CCKBR: variants seen among roughly 807,000 people sequenced by gnomAD.
CCKBR encodes the protein gastrin/cholecystokinin type B receptor.
In CCKBR, 33 loss-of-function variants were observed where a neutral mutation model predicts 34.6. That is an observed-to-expected ratio of 0.95 (90% CI 0.72 to 1.27). The LOEUF is 1.27. Among genes scored for constraint, CCKBR ranks in the 50% most tolerant of loss-of-function variants. CCKBR has a pLI of 0.00. For missense variants in CCKBR, 652 were observed against 617.4 expected (o/e 1.06, Z -0.59); for synonymous variants, 269 against 267.5 (o/e 1.01, Z -0.06).
rs1590669996 is a variant in CCKBR, at chr11:6,267,867, CAG to C, written c.152-1799_152-1798del. ...TTGTTATTTTGGGTTTTGTTTGAGA[CAG>C]AGTCTCACTCTGTTGTGCAGGCTGG... On this transcript the variant is annotated intron_variant, in intron 1 of 4. Transcript: ENST00000334619. Among the ~76,000 whole-genome samples, 3 of 152,298 alleles carry C rather than the reference CAG, an allele frequency of 2.0e-5. No homozygotes were observed. The East Asian group carries it at 5.8e-4, about 29-fold the overall frequency.
Position 6,260,088 on chromosome 11 carries a change from C to A in CCKBR, c.151+9C>A. ...CGGAGCCGGGACACGAGGTGGGTGC[C>A]TCCCTCAGCCCCCCCCACAAGCTAT... On this transcript the variant is annotated intron_variant, in intron 1 of 4. Coordinates refer to ENST00000334619, the MANE Select transcript of CCKBR (RefSeq NM_176875.4). 6.3e-7 allele frequency: 1 copy of A among 1,585,558 alleles called. No homozygotes were observed.
chr11:6,261,462 T>TAAATATACACAC (rs764173521), intron 1 of CCKBR, among the ~76,000 whole-genome samples: 1 of 64,016 alleles, frequency 1.6e-5, no homozygotes, highest in Non-Finnish European at 2.8e-5. Flanking sequence ...AAAATATATA[T>TAAATATACACAC]ACACACACAC....
Position 6,259,861 on chromosome 11 carries a change from G to A in CCKBR, c.-68G>A, listed in dbSNP as rs1848099403. 7.8e-7 allele frequency: 1 copy of A among 1,287,918 alleles called. No homozygotes were observed. 79.8% of individuals were successfully genotyped at this position (1,287,918 alleles called of 1,614,324 possible). A position where few individuals can be genotyped will look rare whatever the true frequency, so the allele number is the denominator to read the frequency against. On this transcript the variant is annotated 5_prime_UTR_variant, in exon 1 of 5. Coordinates refer to ENST00000334619, the MANE Select transcript of CCKBR (RefSeq NM_176875.4). Reference sequence around the variant, plus strand: ...GGAGCCTGAGCCGGAATCGCAGCGTGAGCAGGTGGAGCCGCGTTGGGAGCC... The same window carrying A: ...GGAGCCTGAGCCGGAATCGCAGCGTAAGCAGGTGGAGCCGCGTTGGGAGCC...
chr11:6,267,965 C>T (rs1344150969), intron 1 of CCKBR, among the ~76,000 whole-genome samples: 1 of 152,166 alleles, frequency 6.6e-6, no homozygotes, highest in Non-Finnish European at 1.5e-5. Flanking sequence ...CTGCCTCAAA[C>T]TCCTGAGTAG....
At chr11:6,264,589 C>G (rs1361601591) in intron 1 of CCKBR, 2 of 700,430 alleles carry the variant, frequency 2.9e-6, no homozygotes, top group Non-Finnish European at 5.2e-6. Flanking sequence ...TGAGATGATG[C>G]TCACGGGTAG....
Position 6,271,098 on chromosome 11 carries a change from C to G in CCKBR, c.899C>G (p.Ser300Cys), listed in dbSNP as rs1848300832. The G allele has an allele frequency of 2.5e-6, 4 of 1,614,144 alleles. No individual in the cohort carries two copies. Among genetic ancestry groups the G allele is most frequent in the Non-Finnish European group, 3.4e-6 (4 of 1,180,020 alleles). ...SDGCYVQLPR[S>C]RPALELTALT... ...GGCTGCTACGTGCAACTTCCACGTTCCCGGCCTGCCCTGGAGCTGACGGCG... is the reference window on the plus strand; with the variant it reads ...GGCTGCTACGTGCAACTTCCACGTTGCCGGCCTGCCCTGGAGCTGACGGCG... The change falls in exon 5 of 5, where the codon TCC (serine) becomes TGC (cysteine). Residue 300 changes from serine (S) to cysteine (C), a missense_variant. Physicochemically the swap from Ser to Cys is moderately radical, Grantham distance 112. Transcript: ENST00000334619.
intron 1 of CCKBR, among the ~76,000 whole-genome samples, chr11:6,263,573 T>C (rs1564885565): frequency 6.6e-6 from 1 of 150,472 alleles, no homozygotes; most frequent in Non-Finnish European, 1.5e-5. Flanking sequence ...CAGGCTCAAG[T>C]GATCCTCCCA....
intron 4 of CCKBR, 53 bp from the exon 5 acceptor site, chr11:6,270,958 T>C: frequency 6.2e-7 from 1 of 1,613,100 alleles, no homozygotes; most frequent in Non-Finnish European, 8.5e-7. Flanking sequence ...GGGACTGGGC[T>C]GGAGACTGGG....
At position 6,259,849 on chromosome 11, in the gene CCKBR, G is replaced by T; in HGVS notation, c.-80G>T. On this transcript the variant is annotated 5_prime_UTR_variant, in exon 1 of 5. Coordinates refer to ENST00000334619, the MANE Select transcript of CCKBR (RefSeq NM_176875.4). Reference sequence around the variant, plus strand: ...AGGAGGGCGGCGGGAGCCTGAGCCGGAATCGCAGCGTGAGCAGGTGGAGCC... The same window carrying T: ...AGGAGGGCGGCGGGAGCCTGAGCCGTAATCGCAGCGTGAGCAGGTGGAGCC... 2 of 1,219,952 alleles carry T rather than the reference G, an allele frequency of 1.6e-6. No individual in the cohort carries two copies. Among genetic ancestry groups the T allele is most frequent in the South Asian group, 3.7e-5 (2 of 54,312 alleles). The allele number at this position is 1,219,952 out of a possible 1,614,324, so 75.6% of individuals were successfully genotyped here. A position where few individuals can be genotyped will look rare whatever the true frequency, so the allele number is the denominator to read the frequency against.
At chr11:6,268,681 C>A (rs1848244376) in intron 1 of CCKBR, among the ~76,000 whole-genome samples, 1 of 152,102 alleles carries the variant, frequency 6.6e-6, no homozygotes, top group Non-Finnish European at 1.5e-5. Context: ...CAGTGCCTAG[C>A]ACAAAGGGAG....
At position 6,261,454 on chromosome 11, in the gene CCKBR, A is replaced by AAATATATATAT. The variant is rs1447691939; in HGVS notation, c.151+1376_151+1377insATATATATATA. Among the ~76,000 whole-genome samples the AAATATATATAT allele has an allele frequency of 3.1e-4, 19 of 60,882 alleles. 1 individual carries two copies. Among genetic ancestry groups the AAATATATATAT allele is most frequent in the South Asian group, 7.0e-4 (1 of 1,432 alleles). The allele number at this position is 60,882 out of a possible 152,430, so 39.9% of individuals were successfully genotyped here. On this transcript the variant is annotated intron_variant, in intron 1 of 4. Transcript: ENST00000334619. ...GTTGGCAAAAAAAAAAAAAAAAAAA[A>AAATATATATAT]ATATATATACACACACACACACACA...
rs878960000 is a variant in CCKBR, at chr11:6,269,858, C to G, written c.341C>G (p.Pro114Arg). The change falls in exon 2 of 5, where the codon CCC becomes CGC. Residue 114 changes from proline (P) to arginine (R), a missense_variant. Physicochemically the swap from Pro to Arg is moderately radical, Grantham distance 103. Coordinates refer to ENST00000334619, the MANE Select transcript of CCKBR (RefSeq NM_176875.4). ...AVACMPFTLL[P>R]NLMGTFIFGT... Reference sequence around the variant, plus strand: ...GCTTGCATGCCCTTCACCCTCCTGCCCAATCTCATGGGCACATTCATCTTT... The same window carrying G: ...GCTTGCATGCCCTTCACCCTCCTGCGCAATCTCATGGGCACATTCATCTTT... 6.2e-7 allele frequency: 1 copy of G among 1,614,124 alleles called. No individual in the cohort carries two copies. Among genetic ancestry groups the G allele is most frequent in the Non-Finnish European group, 8.5e-7 (1 of 1,180,010 alleles).
chr11:6,263,833 C>T (rs535074004), intron 1 of CCKBR, among the ~76,000 whole-genome samples: 3 of 152,300 alleles, frequency 2.0e-5, no homozygotes, highest in South Asian at 4.1e-4. Context: ...AAATACTACC[C>T]ATACATACTT....
intron 1 of CCKBR, among the ~76,000 whole-genome samples, chr11:6,263,163 G>A (rs1009741920): frequency 2.0e-5 from 3 of 152,208 alleles, no homozygotes; most frequent in Admixed American, 1.3e-4. Context: ...TATAATCCAT[G>A]CAGACTTGAG....
chr11:6,268,998 C>T (rs1411335867), intron 1 of CCKBR, among the ~76,000 whole-genome samples: 1 of 146,316 alleles, frequency 6.8e-6, no homozygotes, highest in Non-Finnish European at 1.5e-5. Flanking sequence ...GAGAGAGTCA[C>T]AAGTGCAAAT....
chr11:6,265,556 G>C (rs1378949790), intron 1 of CCKBR, among the ~76,000 whole-genome samples: 1 of 152,168 alleles, frequency 6.6e-6, no homozygotes, highest in Non-Finnish European at 1.5e-5. Context: ...GGTGGAGGCT[G>C]GGGGTGGGAG....
rs1358815992 is a variant in CCKBR, at chr11:6,271,104, C to T, written c.905C>T (p.Pro302Leu). The change falls in exon 5 of 5, where the codon CCT becomes CTT. Residue 302 changes from proline to leucine, a missense_variant. Physicochemically the swap from Pro to Leu is moderately conservative, Grantham distance 98. Coordinates refer to ENST00000334619, the MANE Select transcript of CCKBR (RefSeq NM_176875.4). ...GCYVQLPRSR[P>L]ALELTALTAP... ...TACGTGCAACTTCCACGTTCCCGGC[C>T]TGCCCTGGAGCTGACGGCGCTGACG... is the stretch of plus-strand genomic sequence containing the variant. 1 of 1,614,136 alleles carries T rather than the reference C, an allele frequency of 6.2e-7. No individual in the cohort carries two copies. The highest frequency in any genetic ancestry group is 8.5e-7 in the Non-Finnish European group (1 of 1,180,004).
chr11:6,270,861 G>A lies in CCKBR; in HGVS notation c.811+58G>A, dbSNP rs761899156. On this transcript the variant is annotated intron_variant, in intron 4 of 4. Transcript: ENST00000334619. ...GAGGCGGAGCTTTGGAGGGCGACGG[G>A]GCCTGCTGGAGTGGGTGGGACTGAA... 9.9e-6 allele frequency: 16 copies of A among 1,613,032 alleles called. No individual in the cohort carries two copies. In the South Asian group the frequency reaches 1.6e-4, roughly 17 times the overall value.
intron 1 of CCKBR, among the ~76,000 whole-genome samples, chr11:6,261,858 A>G (rs1848138772): frequency 6.6e-6 from 1 of 152,214 alleles, no homozygotes. Flanking sequence ...AGGTTACTAT[A>G]TTACACTGTT....
Sources: allele counts gnomAD v4.1 joint callset (sites outside exome capture counted in the v4.1 genomes callset), GRCh38; gene constraint gnomAD v4.1.1; transcripts MANE v1.5; gene names NCBI Gene and HGNC (gene_info 2026-07-23, HGNC 2026-07-21).